The following INTS9 variants were observed in gnomAD, a reference collection of about 807,000 sequenced individuals.
The protein encoded by INTS9 is protein related to CPSF subunits of 74 kDa.
INTS9 carries 55 observed loss-of-function variants against 79.7 expected under a neutral mutation model. The ratio of observed to expected loss-of-function variants is 0.69; its 90% CI spans 0.56 to 0.86. The LOEUF is 0.86. Ranked by LOEUF, INTS9 falls within the 40% of genes least tolerant of loss-of-function variation. The probability of loss-of-function intolerance (pLI) is 0.00; values close to 1 mark genes in which losing one functional copy is unlikely to be tolerated. For missense variants in INTS9, 721 were observed against 831.5 expected (o/e 0.87, Z 1.64); for synonymous variants, 319 against 325.2 (o/e 0.98, Z 0.20).
chr8:28,885,167 C>A (rs1196454532), intron 1 of INTS9, among the ~76,000 whole-genome samples: 1 of 152,210 alleles, frequency 6.6e-6, no homozygotes, highest in Non-Finnish European at 1.5e-5. Context: ...AGAAATGAAA[C>A]AGCATTTTGA....
intron 1 of INTS9, among the ~76,000 whole-genome samples, chr8:28,876,099 G>A (rs768209179): frequency 2.0e-5 from 3 of 152,036 alleles, no homozygotes; most frequent in Admixed American, 6.6e-5. Context: ...TGGCCATTAC[G>A]TTTATTTTAA....
At chr8:28,769,644 A>T in intron 16 of INTS9, 1 of 484,464 alleles carries the variant, frequency 2.1e-6, no homozygotes, top group Non-Finnish European at 3.7e-6. Flanking sequence ...GTGTGGAAGC[A>T]GCTTTTTCTT....
At chr8:28,863,541 C>T (rs1246930634) in intron 1 of INTS9, among the ~76,000 whole-genome samples, 1 of 152,134 alleles carries the variant, frequency 6.6e-6, no homozygotes, top group African/African-American at 2.4e-5. Context: ...TTTGGGAGGC[C>T]AAGGCGGGAA....
At chr8:28,846,372 G>C (rs1216210486) in intron 4 of INTS9, among the ~76,000 whole-genome samples, 6 of 152,198 alleles carry the variant, frequency 3.9e-5, no homozygotes, top group Non-Finnish European at 7.3e-5. Context: ...CAGTTTACTA[G>C]CAATTGTCAA....
rs1255971663 is a variant in INTS9 at position 28,787,832 on chromosome 8, T to C, written c.1095A>G (p.Ala365=). ...VYLPEPPFPH[A]ELIQTNKLKH... is the part of the protein sequence containing the mutation. ...CCCAGTGATTTTGTTTTCTTACCTCTGCATGAGGAAAAGGTGGTTCTGGAA... is the reference window on the plus strand; with the variant it reads ...CCCAGTGATTTTGTTTTCTTACCTCCGCATGAGGAAAAGGTGGTTCTGGAA... The change falls in exon 11 of 17, where the codon GCA becomes GCG. Residue 365 remains alanine (A), a synonymous_variant. Transcript: ENST00000521022. 2 of 1,607,192 alleles carry C rather than the reference T, an allele frequency of 1.2e-6. No individual in the cohort carries two copies. Among genetic ancestry groups the C allele is most frequent in the African/African-American group, 2.7e-5 (2 of 74,840 alleles).
intron 1 of INTS9, among the ~76,000 whole-genome samples, chr8:28,881,087 C>A (rs1192572558): frequency 6.7e-6 from 1 of 150,372 alleles, no homozygotes; most frequent in African/African-American, 2.4e-5. Context: ...AAGTGAGGAG[C>A]GTCTCCGCCC....
chr8:28,832,662 T>C (rs1460924632), intron 6 of INTS9, among the ~76,000 whole-genome samples: 1 of 152,156 alleles, frequency 6.6e-6, no homozygotes, highest in Non-Finnish European at 1.5e-5. Flanking sequence ...TTTTCTCTCC[T>C]GTAAAAAAGT....
chr8:28,861,586 T>G (rs1388873130), intron 1 of INTS9, among the ~76,000 whole-genome samples: 1 of 152,228 alleles, frequency 6.6e-6, no homozygotes, highest in Non-Finnish European at 1.5e-5. Flanking sequence ...TTTTACTACA[T>G]TTTTATAATC....
chr8:28,823,147 A>G (rs1311506630), intron 6 of INTS9, among the ~76,000 whole-genome samples: 1 of 152,204 alleles, frequency 6.6e-6, no homozygotes, highest in Non-Finnish European at 1.5e-5. Flanking sequence ...GAGACTGAAC[A>G]TGATGGGTGG....
intron 1 of INTS9, among the ~76,000 whole-genome samples, chr8:28,889,239 A>C (rs1258529621): frequency 6.6e-6 from 1 of 152,200 alleles, no homozygotes; most frequent in Non-Finnish European, 1.5e-5. Flanking sequence ...TTAAGACTTC[A>C]GGTATACCGA....
Position 28,888,776 on chromosome 8 carries a change from C to A in INTS9, c.9+1098G>T, listed in dbSNP as rs149632297. Among the ~76,000 whole-genome samples, 605 of 152,314 alleles carry A rather than the reference C, an allele frequency of 4.0e-3. 3 individuals carry two copies. The highest frequency in any genetic ancestry group is 0.013 in the African/African-American group (553 of 41,568). On this transcript the variant is annotated intron_variant, in intron 1 of 16. Coordinates refer to ENST00000521022, the MANE Select transcript of INTS9 (RefSeq NM_018250.4). The stretch of plus-strand genomic sequence containing the variant: ...GAATTGAATCCACTTTTAATACTTT[C>A]TCTGACTTCGCAGAAAACAGCTGGC...
In INTS9 at chr8:28,768,252, G is replaced by A. The variant is rs776756406; in HGVS notation, c.1871C>T (p.Thr624Met). ...CGAGTCTTCTTCAATCTGGATGAGCGTCTCAGCCTCCTGGAGCAGGACGAT... is the reference window on the plus strand; with the variant it reads ...CGAGTCTTCTTCAATCTGGATGAGCATCTCAGCCTCCTGGAGCAGGACGAT... ...GHIVLLQEAETLIQIEEDSTH... is the reference protein window; with the variant it reads ...GHIVLLQEAEMLIQIEEDSTH... Residue 624 changes from threonine (T) to methionine (M), a missense_variant, in exon 17 of 17, where the codon ACG (threonine) becomes ATG (methionine). Thr to Met is a moderately conservative substitution (Grantham distance 81, BLOSUM62 -1). This residue lies in a region of INTS9 where 281 missense variants were observed against 300.8 expected (regional missense o/e 0.93). Transcript: ENST00000521022. The A allele has an allele frequency of 1.2e-5, 19 of 1,613,904 alleles. No homozygotes were observed. The highest frequency in any genetic ancestry group is 2.2e-5 in the East Asian group (1 of 44,902).
intron 7 of INTS9, 112 bp downstream of exon 7, chr8:28,813,380 C>A: frequency 9.5e-7 from 1 of 1,055,426 alleles, no homozygotes; most frequent in African/African-American, 1.6e-5. Context: ...GGCTCTGGAT[C>A]CTCAGCAATG....
intron 7 of INTS9, 98 bp downstream of exon 7, chr8:28,813,394 T>A: frequency 8.2e-7 from 1 of 1,223,644 alleles, no homozygotes; most frequent in Admixed American, 1.9e-5. Flanking sequence ...AGCAATGGAA[T>A]GGCTTTAAAA....
At chr8:28,827,517 G>A (rs1170361391) in intron 6 of INTS9, among the ~76,000 whole-genome samples, 1 of 152,192 alleles carries the variant, frequency 6.6e-6, no homozygotes, top group Non-Finnish European at 1.5e-5. Context: ...ATAGGAATCA[G>A]GAAAGTTCCC....
chr8:28,796,750 A>G (rs1804239620), intron 8 of INTS9, 95 bp from the exon 9 acceptor site: 1 of 799,370 alleles, frequency 1.3e-6, no homozygotes, highest in African/African-American at 1.7e-5. Flanking sequence ...TGCTCTTTCT[A>G]CGTTTAACCC....
chr8:28,867,445 G>C (rs1808819100), intron 1 of INTS9, among the ~76,000 whole-genome samples: 1 of 151,654 alleles, frequency 6.6e-6, no homozygotes, highest in Admixed American at 6.6e-5. Context: ...AGGTGTGGTG[G>C]CGTGAGCCTT....
At chr8:28,840,942 T>TA (rs1159510550) in intron 4 of INTS9, among the ~76,000 whole-genome samples, 5 of 142,344 alleles carry the variant, frequency 3.5e-5, no homozygotes, top group African/African-American at 5.2e-5. Flanking sequence ...AAAGTATAAT[T>TA]AAAAAAATAA....
chr8:28,841,289 C>T (rs1807168720), intron 4 of INTS9, among the ~76,000 whole-genome samples: 1 of 152,196 alleles, frequency 6.6e-6, no homozygotes, highest in Non-Finnish European at 1.5e-5. Flanking sequence ...TCTCCACTAC[C>T]TCCCCTAGCA....
Sources: allele counts gnomAD v4.1 joint callset (sites outside exome capture counted in the v4.1 genomes callset), GRCh38; gene constraint gnomAD v4.1.1; regional missense constraint gnomAD v4.1.1; transcripts MANE v1.5; gene names NCBI Gene and HGNC (gene_info 2026-07-23, HGNC 2026-07-21).